Variants in METTL16 observed in about 807,000 individuals in gnomAD.
The protein encoded by METTL16 is RNA N(6)-adenosine-methyltransferase METTL16.
METTL16 carries 19 observed loss-of-function variants against 57.9 expected under a neutral mutation model. That is an observed-to-expected ratio of 0.33 (90% CI 0.23 to 0.48). METTL16 has a LOEUF of 0.48. Among genes scored for constraint, METTL16 ranks in the 20% least tolerant of loss-of-function variants. The pLI, the probability that METTL16 is intolerant of heterozygous loss-of-function variation, is 0.99. For synonymous variants in METTL16, 246 were observed against 255.6 expected (o/e 0.96, Z 0.36); for missense variants, 434 against 691.5 (o/e 0.63, Z 4.18).
At chr17:2,449,717 T>C (rs1281265007) in intron 6 of METTL16, among the ~76,000 whole-genome samples, 2 of 152,200 alleles carry the variant, frequency 1.3e-5, no homozygotes, top group African/African-American at 4.8e-5. Context: ...AAAGGTTTGG[T>C]CTTTTTAAAA....
intron 2 of METTL16, among the ~76,000 whole-genome samples, chr17:2,488,281 G>C (rs1191386112): frequency 6.6e-6 from 1 of 152,212 alleles, no homozygotes; most frequent in Middle Eastern, 3.2e-3. Flanking sequence ...TCCCAGCCCG[G>C]CGCAGTGGCT....
At chr17:2,428,230 G>T (rs949152393) in intron 8 of METTL16, among the ~76,000 whole-genome samples, 13 of 151,742 alleles carry the variant, frequency 8.6e-5, no homozygotes, top group Admixed American at 8.5e-4. Context: ...AAATAAACCA[G>T]ATCTCCTGGG....
At chr17:2,446,815 G>C (rs1342618790) in intron 6 of METTL16, among the ~76,000 whole-genome samples, 2 of 152,128 alleles carry the variant, frequency 1.3e-5, no homozygotes, top group Non-Finnish European at 2.9e-5. Context: ...GCTCCTAGCC[G>C]TGAGTGATCC....
rs995950611 is a variant in METTL16 at position 2,466,116 on chromosome 17, C to A, written c.585+1645G>T. 1.1e-4 allele frequency among the ~76,000 whole-genome samples: 16 copies of A among 149,744 alleles called. No individual in the cohort carries two copies. The Admixed American group carries it at 1.1e-3, about 10-fold the overall frequency. Reference sequence around the variant, plus strand: ...GCTGAGGCAGGAGAATTGCTTGAACCTGGGAGGTGGAGGTTGCAGTGAGCT... The same window carrying A: ...GCTGAGGCAGGAGAATTGCTTGAACATGGGAGGTGGAGGTTGCAGTGAGCT... On this transcript the variant is annotated intron_variant, in intron 5 of 9. Coordinates refer to ENST00000263092, the MANE Select transcript of METTL16 (RefSeq NM_024086.4).
chr17:2,491,606 T>C (rs1422073808), intron 2 of METTL16, among the ~76,000 whole-genome samples: 3 of 152,252 alleles, frequency 2.0e-5, no homozygotes, highest in East Asian at 3.9e-4. Flanking sequence ...CCGGGCACGG[T>C]GGCTCACACC....
At position 2,418,197 on chromosome 17, in the gene METTL16, T is replaced by TACACAC. The variant is rs5818855; in HGVS notation, c.*1767_*1772dup. On this transcript the variant is annotated 3_prime_UTR_variant, in exon 10 of 10. Coordinates refer to ENST00000263092, the MANE Select transcript of METTL16 (RefSeq NM_024086.4). ...GGAACCCTCTCTCCAGGAAAAAAAA[T>TACACAC]ACACACACACACACACACACACACA... is the stretch of plus-strand genomic sequence containing the variant. 6.7e-6 allele frequency: 1 copy of TACACAC among 149,620 alleles called. No homozygotes were observed. Among genetic ancestry groups the TACACAC allele is most frequent in the Non-Finnish European group, 1.5e-5 (1 of 67,256 alleles). The allele number at this position is 149,620 out of a possible 1,614,324, so 9.3% of individuals were successfully genotyped here.
intron 2 of METTL16, among the ~76,000 whole-genome samples, chr17:2,489,030 C>A (rs1315410423): frequency 1.3e-5 from 2 of 152,068 alleles, no homozygotes; most frequent in African/African-American, 4.8e-5. Flanking sequence ...TTACTGATAA[C>A]CCTAAGTTAA....
chr17:2,440,118 G>A (rs1310443381), intron 7 of METTL16, among the ~76,000 whole-genome samples: 3 of 152,184 alleles, frequency 2.0e-5, no homozygotes, highest in East Asian at 3.8e-4. Context: ...TTAGCTGGGC[G>A]TGGTGGTGTG....
At chr17:2,444,646 G>A (rs568223389) in intron 6 of METTL16, among the ~76,000 whole-genome samples, 1 of 151,466 alleles carries the variant, frequency 6.6e-6, no homozygotes, top group East Asian at 1.9e-4. Context: ...CTCTCTCACT[G>A]ACTCACACAG....
At chr17:2,472,667 G>C (rs1037827450) in intron 4 of METTL16, among the ~76,000 whole-genome samples, 13 of 151,456 alleles carry the variant, frequency 8.6e-5, no homozygotes, top group African/African-American at 2.9e-4. Flanking sequence ...AAAATTAAAA[G>C]AATAAAAAAA....
intron 4 of METTL16, among the ~76,000 whole-genome samples, chr17:2,468,645 C>G (rs1313294971): frequency 6.6e-6 from 1 of 152,170 alleles, no homozygotes; most frequent in Non-Finnish European, 1.5e-5. Flanking sequence ...CTTTGGGAGG[C>G]CAAGACGGGA....
intron 6 of METTL16, among the ~76,000 whole-genome samples, chr17:2,457,754 C>CTAT (rs995840953): frequency 6.6e-6 from 1 of 151,772 alleles, no homozygotes; most frequent in African/African-American, 2.4e-5. Flanking sequence ...TTAATATCCA[C>CTAT]TATTATTATT....
At chr17:2,485,475 G>A (rs1002518295) in intron 2 of METTL16, among the ~76,000 whole-genome samples, 9 of 152,128 alleles carry the variant, frequency 5.9e-5, no homozygotes, top group African/African-American at 1.7e-4. Flanking sequence ...CTGGTCCCTG[G>A]TGCCAAAAAG....
intron 6 of METTL16, among the ~76,000 whole-genome samples, chr17:2,451,267 G>A (rs974878480): frequency 6.6e-6 from 1 of 152,084 alleles, no homozygotes. Context: ...TTATTTAAAG[G>A]ATAATAAATT....
At chr17:2,507,375 T>TG (rs1170741240) in intron 1 of METTL16, among the ~76,000 whole-genome samples, 8 of 120,540 alleles carry the variant, frequency 6.6e-5, no homozygotes, top group South Asian at 2.8e-4. Flanking sequence ...GGGAGGGAGG[T>TG]GGGGGGGTCA....
intron 6 of METTL16, among the ~76,000 whole-genome samples, chr17:2,450,902 T>G (rs1335969187): frequency 6.6e-6 from 1 of 152,208 alleles, no homozygotes; most frequent in African/African-American, 2.4e-5. Context: ...TTCAAGAATT[T>G]AAATTCTAAG....
intron 1 of METTL16, among the ~76,000 whole-genome samples, chr17:2,505,681 C>T (rs929738267): frequency 3.9e-5 from 6 of 152,058 alleles, no homozygotes; most frequent in Admixed American, 2.6e-4. Context: ...TGTGCACCAC[C>T]GCACCTGGTT....
intron 1 of METTL16, among the ~76,000 whole-genome samples, chr17:2,509,387 GAA>G (rs1007836427): frequency 3.3e-5 from 5 of 151,978 alleles, no homozygotes; most frequent in Admixed American, 3.3e-4. Context: ...TGACCATCAG[GAA>G]AGAGGGGAGC....
At chr17:2,511,064 G>C (rs906420601) in intron 1 of METTL16, among the ~76,000 whole-genome samples, 2 of 151,882 alleles carry the variant, frequency 1.3e-5, no homozygotes, top group Non-Finnish European at 2.9e-5. Context: ...TTGAAACCAC[G>C]ATAGAACTCT....
Sources: allele counts gnomAD v4.1 joint callset (sites outside exome capture counted in the v4.1 genomes callset), GRCh38; gene constraint gnomAD v4.1.1; transcripts MANE v1.5; gene names NCBI Gene and HGNC (gene_info 2026-07-23, HGNC 2026-07-21).